ZNF487: variants seen among roughly 807,000 people sequenced by gnomAD.
The protein encoded by ZNF487 is zinc finger protein 487.
ZNF487 carries 4 observed loss-of-function variants against 3.0 expected under a neutral mutation model. That is an observed-to-expected ratio of 1.35 (90% CI 0.66 to 3.08). The LOEUF is 3.08. ZNF487 is among the 30% of genes most tolerant of loss of function. The probability of loss-of-function intolerance (pLI) is 0.01; values close to 1 mark genes in which losing one functional copy is unlikely to be tolerated. For missense variants in ZNF487, 146 were observed against 98.7 expected, an observed-to-expected ratio of 1.48 and a Z score of -2.03; for synonymous variants, 55 against 34.6, an observed-to-expected ratio of 1.59 and a Z score of -2.06.
chr10:43,498,095 ATATATTTTTTTTTTTTTTCTTTTTTTTT>A, the ZNF487 span, among the ~76,000 whole-genome samples: 38 of 12,600 alleles, frequency 3.0e-3, no homozygotes, highest in East Asian at 0.02. Flanking sequence ...ATATATATAT[ATATATTTTTTTTTTTTTTCTTTTTTTTT>A]TTTTTTTTTT....
At chr10:43,464,710 A>G (rs889610458) in intron 1 of ZNF487, among the ~76,000 whole-genome samples, 1 of 152,216 alleles carries the variant, frequency 6.6e-6, no homozygotes, top group African/African-American at 2.4e-5. Context: ...GATCAACAGG[A>G]TCCCAAGGCA....
chr10:43,509,477 A>G, the ZNF487 span, among the ~76,000 whole-genome samples: 34 of 149,368 alleles, frequency 2.3e-4, 1 homozygote, highest in African/African-American at 7.6e-4. Flanking sequence ...ATATATATAT[A>G]TATATCATGG....
chr10:43,468,988 C>CAAAAAAAAAAAAAAAA (rs59076073), intron 1 of ZNF487, among the ~76,000 whole-genome samples: 2 of 60,934 alleles, frequency 3.3e-5, no homozygotes, highest in Non-Finnish European at 2.7e-5. Context: ...GACTCTATCT[C>CAAAAAAAAAAAAAAAA]AAAAAAAAAA....
chr10:43,462,285 C>A (rs967556837), intron 1 of ZNF487, among the ~76,000 whole-genome samples: 3 of 151,992 alleles, frequency 2.0e-5, no homozygotes, highest in African/African-American at 7.3e-5. Flanking sequence ...TGCCTGAACC[C>A]TCTTACGTGG....
chr10:43,444,057 G>C (rs1839716487), intron 1 of ZNF487, among the ~76,000 whole-genome samples: 1 of 151,638 alleles, frequency 6.6e-6, no homozygotes, highest in African/African-American at 2.4e-5. Context: ...TTTTCACCAT[G>C]TTAGCCAGGA....
the ZNF487 span, among the ~76,000 whole-genome samples, chr10:43,518,799 T>C: frequency 5.3e-5 from 8 of 152,152 alleles, no homozygotes; most frequent in Non-Finnish European, 5.9e-5. Flanking sequence ...TATTCACAAC[T>C]CTCTTATACA....
chr10:43,464,491 C>T (rs1840578118), intron 1 of ZNF487, among the ~76,000 whole-genome samples: 1 of 152,028 alleles, frequency 6.6e-6, no homozygotes, highest in South Asian at 2.1e-4. Context: ...ACAAAGGTCT[C>T]TGGTTTTCCT....
chr10:43,474,541 C>T (rs1236238336), intron 1 of ZNF487, among the ~76,000 whole-genome samples: 1 of 152,088 alleles, frequency 6.6e-6, no homozygotes, highest in Non-Finnish European at 1.5e-5. Context: ...TGTACTCCAG[C>T]ATGGGCAAAA....
At chr10:43,445,226 C>T (rs1839756288) in intron 1 of ZNF487, among the ~76,000 whole-genome samples, 1 of 151,708 alleles carries the variant, frequency 6.6e-6, no homozygotes, top group African/African-American at 2.4e-5. Flanking sequence ...TGGGCTCAAG[C>T]AATTTTCTCA....
At chr10:43,452,636 C>T (rs114111108) in intron 1 of ZNF487, 7,292 of 152,332 alleles carry the variant, frequency 0.048, 252 homozygotes, top group South Asian at 0.12. Flanking sequence ...GCTGGGGTTA[C>T]AGGCATGAGC....
At chr10:43,439,246 A>C (rs1165131890) in intron 1 of ZNF487, among the ~76,000 whole-genome samples, 1 of 151,936 alleles carries the variant, frequency 6.6e-6, no homozygotes, top group Non-Finnish European at 1.5e-5. Flanking sequence ...CGTCTCAAAA[A>C]AAAATCAGCT....
At chr10:43,473,906 T>A (rs1038861686) in intron 1 of ZNF487, among the ~76,000 whole-genome samples, 2 of 151,982 alleles carry the variant, frequency 1.3e-5, no homozygotes, top group African/African-American at 4.8e-5. Flanking sequence ...ATTCCTGTAA[T>A]TGCAGTATTT....
At chr10:43,462,699 C>G (rs1382717415) in intron 1 of ZNF487, among the ~76,000 whole-genome samples, 6 of 151,816 alleles carry the variant, frequency 4.0e-5, no homozygotes, top group Non-Finnish European at 8.8e-5. Flanking sequence ...CGTGATCCAC[C>G]TGCCTCAGCT....
the ZNF487 span, among the ~76,000 whole-genome samples, chr10:43,511,687 T>C: frequency 6.6e-6 from 1 of 151,984 alleles, no homozygotes; most frequent in Admixed American, 6.6e-5. Flanking sequence ...ATACATAACC[T>C]CCACTCTTGC....
At chr10:43,471,374 T>TA (rs1314727866) in intron 1 of ZNF487, among the ~76,000 whole-genome samples, 6 of 152,164 alleles carry the variant, frequency 3.9e-5, no homozygotes. Context: ...GAGGGAGTGT[T>TA]ACGGTGCTCT....
chr10:43,504,769 C>T, the ZNF487 span, among the ~76,000 whole-genome samples: 3 of 150,194 alleles, frequency 2.0e-5, no homozygotes, highest in South Asian at 2.1e-4. Context: ...TGCAGTGGCA[C>T]GATCTTGGCT....
chr10:43,506,676 C>T, the ZNF487 span, among the ~76,000 whole-genome samples: 3 of 152,122 alleles, frequency 2.0e-5, no homozygotes, highest in African/African-American at 7.2e-5. Context: ...TCCCAAAGCC[C>T]TTGGTTGTTC....
chr10:43,442,466 C>T (rs763243365), intron 1 of ZNF487, among the ~76,000 whole-genome samples: 1 of 151,864 alleles, frequency 6.6e-6, no homozygotes, highest in Admixed American at 6.6e-5. Flanking sequence ...TTTTTTGAGA[C>T]GGAGTTTCAC....
the ZNF487 span, among the ~76,000 whole-genome samples, chr10:43,514,661 T>C: frequency 6.6e-6 from 1 of 152,180 alleles, no homozygotes; most frequent in South Asian, 2.1e-4. Flanking sequence ...CCTTTGATGG[T>C]TGAGTGCTGC....
Sources: allele counts gnomAD v4.1 joint callset (sites outside exome capture counted in the v4.1 genomes callset), GRCh38; gene constraint gnomAD v4.1.1; transcripts MANE v1.5; gene names NCBI Gene and HGNC (gene_info 2026-07-23, HGNC 2026-07-21).